Variants in KCNH7 observed in about 807,000 individuals in gnomAD.
The protein encoded by KCNH7 is potassium voltage-gated channel subfamily H member 7.
KCNH7 carries 49 observed loss-of-function variants against 120.8 expected under a neutral mutation model. That is an observed-to-expected ratio of 0.41 (90% CI 0.32 to 0.51). The LOEUF is 0.51. Ranked by LOEUF, KCNH7 falls within the 20% of genes least tolerant of loss-of-function variation. The pLI is 0.38. For missense variants in KCNH7, 1,097 were observed against 1,446.6 expected, an observed-to-expected ratio of 0.76 and a Z score of 3.92; for synonymous variants, 547 against 516.1, an observed-to-expected ratio of 1.06 and a Z score of -0.81.
In KCNH7 at chr2:162,698,638, A is replaced by T. The variant is rs146721468; in HGVS notation, c.307+137899T>A. Among the ~76,000 whole-genome samples, 92 of 152,234 alleles carry T rather than the reference A, an allele frequency of 6.0e-4. 1 individual carries two copies. Among genetic ancestry groups the T allele is most frequent in the African/African-American group, 2.2e-3 (91 of 41,574 alleles). On this transcript the variant is annotated intron_variant, in intron 2 of 15. Transcript: ENST00000332142. ...ACCGCTTCACATCAAACAGACCTGT[A>T]ATTCATTTCTAGGTTCTACATTTAC... is the stretch of plus-strand genomic sequence containing the variant.
At chr2:162,806,730 C>A (rs1684550307) in intron 2 of KCNH7, among the ~76,000 whole-genome samples, 1 of 152,078 alleles carries the variant, frequency 6.6e-6, no homozygotes, top group Non-Finnish European at 1.5e-5. Flanking sequence ...ACACCACTAG[C>A]AATACTGGAA....
chr2:162,569,610 A>C (rs1693390332), intron 2 of KCNH7, among the ~76,000 whole-genome samples: 3 of 143,552 alleles, frequency 2.1e-5, no homozygotes, highest in Non-Finnish European at 3.1e-5. Flanking sequence ...TAGTTCTTTT[A>C]ATTGTGATGT....
chr2:162,455,324 G>A (rs995072523), intron 6 of KCNH7, among the ~76,000 whole-genome samples: 4 of 152,138 alleles, frequency 2.6e-5, no homozygotes, highest in African/African-American at 9.7e-5. Context: ...ATGCCCTGCT[G>A]GATTTGGTTT....
intron 2 of KCNH7, among the ~76,000 whole-genome samples, chr2:162,692,120 T>A (rs926066317): frequency 6.8e-6 from 1 of 147,312 alleles, no homozygotes; most frequent in Non-Finnish European, 1.5e-5. Flanking sequence ...GCAAACAACA[T>A]TGAGTTTTTT....
chr2:162,544,256 T>A (rs1219975182), intron 2 of KCNH7, among the ~76,000 whole-genome samples: 3 of 152,138 alleles, frequency 2.0e-5, no homozygotes, highest in Non-Finnish European at 2.9e-5. Context: ...AGCTCCATAG[T>A]CCATGGAATT....
Position 162,607,983 on chromosome 2 carries a change from GA to G in KCNH7, c.308-70904del, listed in dbSNP as rs539879262. 1.6e-4 allele frequency among the ~76,000 whole-genome samples: 24 copies of G among 152,226 alleles called. No individual in the cohort carries two copies. In the East Asian group the frequency reaches 4.1e-3, roughly 26 times the overall value. On this transcript the variant is annotated intron_variant, in intron 2 of 15. Transcript: ENST00000332142. ...TGAGTTTTCTTAATTTACAAAATCTGACTTATTCTTTTAGATGTTTCTAGAC... is the reference window on the plus strand; with the variant it reads ...TGAGTTTTCTTAATTTACAAAATCTGCTTATTCTTTTAGATGTTTCTAGAC...
At chr2:162,561,137 CTG>C (rs1183423199) in intron 2 of KCNH7, among the ~76,000 whole-genome samples, 1 of 151,008 alleles carries the variant, frequency 6.6e-6, no homozygotes, top group Admixed American at 6.6e-5. Context: ...GTAGATTTCT[CTG>C]AAATCTGAAA....
intron 2 of KCNH7, among the ~76,000 whole-genome samples, chr2:162,555,956 G>A (rs900659223): frequency 6.6e-6 from 1 of 151,926 alleles, no homozygotes; most frequent in Non-Finnish European, 1.5e-5. Flanking sequence ...AAATAAAATA[G>A]AACGCTGCGT....
At chr2:162,398,509 G>A (rs1010033527) in intron 10 of KCNH7, among the ~76,000 whole-genome samples, 2 of 151,810 alleles carry the variant, frequency 1.3e-5, no homozygotes, top group Non-Finnish European at 2.9e-5. Context: ...GGACAGAAAA[G>A]GGTAATTTCC....
intron 2 of KCNH7, among the ~76,000 whole-genome samples, chr2:162,748,601 T>A (rs2105424818): frequency 6.6e-6 from 1 of 152,280 alleles, no homozygotes; most frequent in Middle Eastern, 3.4e-3. Context: ...ACAGACATTC[T>A]TTTCCTTCCT....
intron 2 of KCNH7, among the ~76,000 whole-genome samples, chr2:162,667,278 C>T (rs967923943): frequency 6.6e-6 from 1 of 152,126 alleles, no homozygotes; most frequent in African/African-American, 2.4e-5. Flanking sequence ...GCCTCAGTCT[C>T]CTGAAGTGAT....
chr2:162,756,631 ATT>A (rs1290019428), intron 2 of KCNH7, among the ~76,000 whole-genome samples: 1 of 151,946 alleles, frequency 6.6e-6, no homozygotes, highest in Non-Finnish European at 1.5e-5. Flanking sequence ...TGCCTGGTTA[ATT>A]TTTGTTTATT....
At chr2:162,713,598 T>C (rs1166776168) in intron 2 of KCNH7, among the ~76,000 whole-genome samples, 1 of 152,168 alleles carries the variant, frequency 6.6e-6, no homozygotes, top group Admixed American at 6.6e-5. Flanking sequence ...ATGGTATGCT[T>C]GAGGGTAGAT....
intron 6 of KCNH7, among the ~76,000 whole-genome samples, chr2:162,451,715 C>T (rs960274344): frequency 6.6e-6 from 1 of 151,922 alleles, no homozygotes; most frequent in Admixed American, 6.6e-5. Flanking sequence ...ATAGTTTGAT[C>T]AATCAATAAA....
At chr2:162,546,794 G>T (rs1361964177) in intron 2 of KCNH7, among the ~76,000 whole-genome samples, 2 of 151,846 alleles carry the variant, frequency 1.3e-5, no homozygotes, top group African/African-American at 4.8e-5. Context: ...TGTGTAAAAA[G>T]TACTATACCA....
intron 2 of KCNH7, among the ~76,000 whole-genome samples, chr2:162,732,421 A>T (rs1478052431): frequency 6.6e-6 from 1 of 152,158 alleles, no homozygotes; most frequent in Non-Finnish European, 1.5e-5. Context: ...TTCAAAAGGT[A>T]TACTACCTTA....
At chr2:162,374,160 A>G (rs754287025) in intron 14 of KCNH7, among the ~76,000 whole-genome samples, 2 of 152,136 alleles carry the variant, frequency 1.3e-5, no homozygotes, top group African/African-American at 2.4e-5. Context: ...CATATTAAGT[A>G]TTGTATATTA....
chr2:162,535,033 T>C (rs896001587), intron 3 of KCNH7, among the ~76,000 whole-genome samples: 1 of 151,752 alleles, frequency 6.6e-6, no homozygotes, highest in Non-Finnish European at 1.5e-5. Context: ...AAAAGGCATT[T>C]TACAAATTTC....
rs892864195 is a variant in KCNH7 at position 162,765,080 on chromosome 2, A to G, written c.307+71457T>C. On this transcript the variant is annotated intron_variant, in intron 2 of 15. Transcript: ENST00000332142. Reference sequence around the variant, plus strand: ...ACCAGGAGAAGGGTAAGGAAGGAGGAAAAAGAATACAAGAAGGCACAAAAC... The same window carrying G: ...ACCAGGAGAAGGGTAAGGAAGGAGGGAAAAGAATACAAGAAGGCACAAAAC... 5.3e-5 allele frequency among the ~76,000 whole-genome samples: 8 copies of G among 152,192 alleles called. No homozygotes were observed. In the South Asian group the frequency reaches 1.0e-3, roughly 20 times the overall value.
Sources: gnomAD v4.1 joint callset for allele counts (sites outside exome capture counted in the v4.1 genomes callset) on GRCh38, gnomAD v4.1.1 for gene constraint, MANE v1.5 for transcripts, NCBI Gene and HGNC (gene_info 2026-07-23, HGNC 2026-07-21) for gene names.